Variants in DNAH5 observed in about 807,000 individuals in gnomAD.
DNAH5 encodes the protein axonemal beta dynein heavy chain 5.
Under a neutral mutation model 518.2 loss-of-function variants are expected in DNAH5, and 372 were observed. The observed-to-expected ratio is 0.72, with a 90% CI of 0.66 to 0.78. The LOEUF (loss-of-function observed/expected upper bound fraction) is 0.78. Ranked by LOEUF, DNAH5 falls within the 30% of genes least tolerant of loss-of-function variation. The pLI is 0.00. For missense variants in DNAH5, 5,523 were observed against 5,687.0 expected, an observed-to-expected ratio of 0.97 and a Z score of 0.93; for synonymous variants, 2,039 against 2,025.9, an observed-to-expected ratio of 1.01 and a Z score of -0.17.
upstream of DNAH5, among the ~76,000 whole-genome samples, chr5:13,946,871 C>T (rs755607644): frequency 1.2e-4 from 19 of 152,220 alleles, no homozygotes; most frequent in Non-Finnish European, 1.8e-4. Context: ...CGCAGCCAGA[C>T]GCTGCGCTAT....
At chr5:13,817,888 T>C (rs1761665515) in intron 41 of DNAH5, among the ~76,000 whole-genome samples, 194 bp from the exon 42 acceptor site, 1 of 152,232 alleles carries the variant, frequency 6.6e-6, no homozygotes, top group Non-Finnish European at 1.5e-5. Context: ...ACTAAAGCAC[T>C]TTTTTATCTT....
chr5:13,886,405 G>A (rs1772441781), intron 17 of DNAH5, among the ~76,000 whole-genome samples: 1 of 152,154 alleles, frequency 6.6e-6, no homozygotes, highest in South Asian at 2.1e-4. Context: ...GCCATCAGCA[G>A]CCTCTCTACT....
chr5:13,818,078 G>A (rs1349391487), intron 41 of DNAH5, among the ~76,000 whole-genome samples: 1 of 152,114 alleles, frequency 6.6e-6, no homozygotes, highest in East Asian at 1.9e-4. Context: ...CTCATTCACT[G>A]CATTATCAGC....
rs771377608 is a variant in DNAH5 at position 13,920,508 on chromosome 5, A to G, written c.770T>C (p.Met257Thr). ...PETLGKIEDC[M>T]KVWIKQTEQV... Reference sequence around the variant, plus strand: ...TTCTGTCTGTTTGATCCATACTTTCATGCAATCCTCTATTTTTCCCAAAGT... The same window carrying G: ...TTCTGTCTGTTTGATCCATACTTTCGTGCAATCCTCTATTTTTCCCAAAGT... Residue 257 changes from methionine (M) to threonine (T), a missense_variant, in exon 6 of 79, where the codon ATG becomes ACG. Transcript: ENST00000265104. 2 of 1,614,166 alleles carry G rather than the reference A, an allele frequency of 1.2e-6. No homozygotes were observed. The highest frequency in any genetic ancestry group is 1.3e-5 in the African/African-American group (1 of 75,042).
intron 42 of DNAH5, among the ~76,000 whole-genome samples, chr5:13,816,550 A>AG (rs1346218794): frequency 1.4e-5 from 2 of 138,958 alleles, no homozygotes; most frequent in African/African-American, 2.8e-5. Context: ...TAATGTGGAA[A>AG]GGGGAAAAAA....
At chr5:13,883,154 C>T in intron 19 of DNAH5, 60 bp from the exon 20 acceptor site, 2 of 1,546,138 alleles carry the variant, frequency 1.3e-6, no homozygotes, top group Non-Finnish European at 1.8e-6. Flanking sequence ...GATTTGCTTC[C>T]TTTGTAACCA....
At position 13,842,483 on chromosome 5, in the gene DNAH5, G is replaced by GAAAGAAAGAAAGAA. The variant is rs78049687; in HGVS notation, c.5272-580_5272-579insTTCTTTCTTTCTTT. Among the ~76,000 whole-genome samples the GAAAGAAAGAAAGAA allele has an allele frequency of 5.4e-4, 42 of 78,376 alleles. 5 individuals carry two copies. Among genetic ancestry groups the GAAAGAAAGAAAGAA allele is most frequent in the African/African-American group, 2.1e-3 (40 of 19,270 alleles). 51.4% of individuals were successfully genotyped at this position (78,376 alleles called of 152,430 possible). ...AGAAAGAAAGAAAGAAAGAAAGAAA[G>GAAAGAAAGAAAGAA]AGAAAGAAAAGAAAGAAAGAAAGAA... On this transcript the variant is annotated intron_variant, in intron 32 of 78. Coordinates refer to ENST00000265104, the MANE Select transcript of DNAH5 (RefSeq NM_001369.3).
chr5:13,921,198 G>A lies in DNAH5; in HGVS notation c.661-581C>T, dbSNP rs1209003036. Among the ~76,000 whole-genome samples the A allele has an allele frequency of 2.6e-5, 4 of 152,164 alleles. No individual in the cohort carries two copies. In the East Asian group the frequency reaches 7.7e-4, roughly 29 times the overall value. On this transcript the variant is annotated intron_variant, in intron 5 of 78. Transcript: ENST00000265104. ...CACAAATATAATTTGGGTGTTAGCT[G>A]GAGTCATCCTGTGTCTGTCTGGATA... is the stretch of plus-strand genomic sequence containing the variant.
chr5:13,859,327 A>T, intron 30 of DNAH5, 125 bp downstream of exon 30: 1 of 1,015,532 alleles, frequency 9.8e-7, no homozygotes, highest in Non-Finnish European at 1.5e-6. Context: ...ATTAACAGTG[A>T]CAACAAAAAG....
chr5:13,967,265 G>A (rs192487053), intron 1 of DNAH5, among the ~76,000 whole-genome samples: 2 of 152,322 alleles, frequency 1.3e-5, no homozygotes, highest in Non-Finnish European at 2.9e-5. Flanking sequence ...CCAATGTCAA[G>A]AAGGGTTTTT....
intron 1 of DNAH5, among the ~76,000 whole-genome samples, chr5:14,004,472 T>G (rs1240430191): frequency 2.6e-5 from 4 of 152,184 alleles, no homozygotes; most frequent in Non-Finnish European, 5.9e-5. Context: ...AGGAGTCCTT[T>G]TCTATTCCCT....
intron 30 of DNAH5, among the ~76,000 whole-genome samples, 200 bp from the exon 31 acceptor site, chr5:13,851,015 TCCTTAGCTCAA>T (rs2151884376): frequency 6.6e-6 from 1 of 152,302 alleles, no homozygotes; most frequent in South Asian, 2.1e-4. Flanking sequence ...TAAGTAAGCA[TCCTTAGCTCAA>T]CCTTGGTACT....
intron 18 of DNAH5, 108 bp from the exon 19 acceptor site, chr5:13,885,336 T>C (rs1363527754): frequency 2.9e-6 from 4 of 1,361,978 alleles, no homozygotes; most frequent in Non-Finnish European, 4.1e-6. Context: ...AATTAAAGGA[T>C]AAATTACATG....
At chr5:13,871,906 A>G (rs1456153777) in intron 22 of DNAH5, 141 bp from the exon 23 acceptor site, 8 of 776,832 alleles carry the variant, frequency 1.0e-5, no homozygotes, top group Non-Finnish European at 1.7e-5. Context: ...GGAAATGCCA[A>G]AGAACTGGGA....
At chr5:13,910,170 G>A (rs1775818056) in intron 12 of DNAH5, among the ~76,000 whole-genome samples, 1 of 152,126 alleles carries the variant, frequency 6.6e-6, no homozygotes, top group Non-Finnish European at 1.5e-5. Context: ...AATGAAGCCT[G>A]CTGCATGCCA....
chr5:13,802,399 A>G (rs115771992), intron 47 of DNAH5, among the ~76,000 whole-genome samples: 2 of 152,212 alleles, frequency 1.3e-5, no homozygotes, highest in Admixed American at 1.3e-4. Context: ...TTAATTTCTC[A>G]ATAGACAACT....
chr5:13,954,000 G>C (rs569074440), intron 1 of DNAH5, among the ~76,000 whole-genome samples: 2 of 152,152 alleles, frequency 1.3e-5, no homozygotes, highest in African/African-American at 4.8e-5. Flanking sequence ...GAGCTGCCAC[G>C]CCCGGCCAGT....
At chr5:13,781,392 A>G (rs940812414) in intron 52 of DNAH5, among the ~76,000 whole-genome samples, 1 of 152,174 alleles carries the variant, frequency 6.6e-6, no homozygotes, top group African/African-American at 2.4e-5. Context: ...TATCCTCCAC[A>G]TTTGAAAAGT....
intron 53 of DNAH5, 78 bp downstream of exon 53, chr5:13,780,751 T>A: frequency 6.7e-7 from 1 of 1,488,974 alleles, no homozygotes. Flanking sequence ...GTAAGAGAAA[T>A]GCATTTGAAC....
Sources: gnomAD v4.1 joint callset for allele counts (sites outside exome capture counted in the v4.1 genomes callset) on GRCh38, gnomAD v4.1.1 for gene constraint, MANE v1.5 for transcripts, NCBI Gene and HGNC (gene_info 2026-07-23, HGNC 2026-07-21) for gene names.